The following VPS13C variants were observed in gnomAD, a reference collection of about 807,000 sequenced individuals.
VPS13C encodes the protein intermembrane lipid transfer protein VPS13C.
A neutral mutation model predicts 456.8 loss-of-function variants in VPS13C; 358 were observed. That is an observed-to-expected ratio of 0.78 (90% CI 0.72 to 0.86). VPS13C has a LOEUF of 0.86. Among genes scored for constraint, VPS13C ranks in the 40% least tolerant of loss-of-function variants. VPS13C has a pLI of 0.00. For missense variants in VPS13C, 4,818 were observed against 4,385.4 expected (o/e 1.10, Z -2.79); for synonymous variants, 1,578 against 1,486.7 (o/e 1.06, Z -1.41).
At chr15:61,989,293 G>A (rs1052064159) in intron 18 of VPS13C, among the ~76,000 whole-genome samples, 1 of 151,728 alleles carries the variant, frequency 6.6e-6, no homozygotes, top group Non-Finnish European at 1.5e-5. Flanking sequence ...CCAGCTACTC[G>A]GGTGGCTTGA....
chr15:62,009,609 T>C (rs1247942926), intron 13 of VPS13C, among the ~76,000 whole-genome samples: 1 of 152,222 alleles, frequency 6.6e-6, no homozygotes, highest in Non-Finnish European at 1.5e-5. Context: ...TTTCACCTTT[T>C]TCTTTTTACA....
At chr15:62,035,726 C>A (rs2047973183) in intron 3 of VPS13C, among the ~76,000 whole-genome samples, 1 of 151,886 alleles carries the variant, frequency 6.6e-6, no homozygotes, top group Non-Finnish European at 1.5e-5. Context: ...AGTTATATTC[C>A]AAATATCTAC....
chr15:62,025,738 T>C (rs1206208562), intron 6 of VPS13C, among the ~76,000 whole-genome samples: 1 of 152,116 alleles, frequency 6.6e-6, no homozygotes, highest in Non-Finnish European at 1.5e-5. Flanking sequence ...ATAATAAATT[T>C]ATGATTCTCA....
intron 47 of VPS13C, among the ~76,000 whole-genome samples, chr15:61,939,633 C>T (rs567926873): frequency 3.5e-4 from 54 of 152,292 alleles, no homozygotes; most frequent in African/African-American, 1.2e-3. Flanking sequence ...TATACTTCCA[C>T]GACTACCTTC....
At position 61,880,688 on chromosome 15, in the gene VPS13C, T is replaced by C. The variant is rs1448871027; in HGVS notation, c.9923A>G (p.Asn3308Ser). Reference protein sequence around the residue: ...KLIQQDIDALNAELMETSMTD... With the variant: ...KLIQQDIDALSAELMETSMTD... ...CATTGAAGTCTCCATTAATTCTGCA[T>C]TTAGAGCATCAATATCTTGTTGGAT... Residue 3308 changes from asparagine to serine, a missense_variant, in exon 73 of 85, where the codon AAT becomes AGT. Around this residue, in one of 3 missense-constraint regions of VPS13C, gnomAD observed 4,552 missense variants for 4,130.6 expected, o/e 1.10. Transcript: ENST00000644861. 4 of 1,596,888 alleles carry C rather than the reference T, an allele frequency of 2.5e-6. No individual in the cohort carries two copies. The highest frequency in any genetic ancestry group is 3.4e-6 in the Non-Finnish European group (4 of 1,173,514).
chr15:61,900,433 A>C (rs2042961599), intron 66 of VPS13C, among the ~76,000 whole-genome samples: 1 of 152,228 alleles, frequency 6.6e-6, no homozygotes. Flanking sequence ...TACAAAATCA[A>C]TGTACAAAAA....
chr15:62,055,798 C>T (rs1270990178), intron 1 of VPS13C, among the ~76,000 whole-genome samples: 1 of 152,146 alleles, frequency 6.6e-6, no homozygotes, highest in Non-Finnish European at 1.5e-5. Flanking sequence ...TAAAACCTTA[C>T]AATTTTTTCA....
chr15:61,933,821 A>T (rs2044138112), intron 49 of VPS13C, among the ~76,000 whole-genome samples: 1 of 152,104 alleles, frequency 6.6e-6, no homozygotes, highest in South Asian at 2.1e-4. Context: ...GATAATCATG[A>T]ATTCAAAAAT....
At chr15:62,044,037 A>G (rs2048325731) in intron 2 of VPS13C, among the ~76,000 whole-genome samples, 175 bp downstream of exon 2, 1 of 152,178 alleles carries the variant, frequency 6.6e-6, no homozygotes, top group Non-Finnish European at 1.5e-5. Flanking sequence ...TTATTAGGGG[A>G]AAAAATTTCT....
intron 4 of VPS13C, among the ~76,000 whole-genome samples, 198 bp from the exon 5 acceptor site, chr15:62,033,740 G>C (rs912177642): frequency 6.6e-6 from 1 of 151,620 alleles, no homozygotes; most frequent in Non-Finnish European, 1.5e-5. Flanking sequence ...ACAAAAAGAA[G>C]GAGGGAAGAA....
chr15:61,893,388 CT>C (rs1321311820), intron 66 of VPS13C, among the ~76,000 whole-genome samples: 3 of 151,994 alleles, frequency 2.0e-5, no homozygotes, highest in Admixed American at 6.6e-5. Context: ...TCCAACAAAG[CT>C]TTGTTTCAAA....
intron 15 of VPS13C, among the ~76,000 whole-genome samples, chr15:62,001,566 C>T (rs572664779): frequency 1.2e-3 from 186 of 152,130 alleles, no homozygotes; most frequent in Non-Finnish European, 1.9e-3. Context: ...ATGTGCACAA[C>T]GTGCAGGTTA....
At chr15:62,024,198 T>C (rs1286111291) in intron 6 of VPS13C, among the ~76,000 whole-genome samples, 1 of 152,032 alleles carries the variant, frequency 6.6e-6, no homozygotes, top group East Asian at 1.9e-4. Flanking sequence ...AATGTAACAA[T>C]GACAGAATAT....
chr15:61,897,203 C>A (rs1264248622), intron 66 of VPS13C, among the ~76,000 whole-genome samples: 1 of 152,166 alleles, frequency 6.6e-6, no homozygotes, highest in African/African-American at 2.4e-5. Context: ...ACCTCTCCTC[C>A]TCCAAAGGAA....
intron 27 of VPS13C, among the ~76,000 whole-genome samples, chr15:61,972,005 G>A (rs2045570286): frequency 6.6e-6 from 1 of 152,100 alleles, no homozygotes; most frequent in Non-Finnish European, 1.5e-5. Context: ...TGGAATACAT[G>A]TAAAAGTAAG....
chr15:61,973,029 T>G (rs1028251335), intron 26 of VPS13C, among the ~76,000 whole-genome samples: 2 of 152,134 alleles, frequency 1.3e-5, no homozygotes, highest in African/African-American at 4.8e-5. Flanking sequence ...TTCAACAAAA[T>G]ATTTATTGGG....
chr15:61,917,633 C>A lies in VPS13C; in HGVS notation c.7763G>T (p.Cys2588Phe), dbSNP rs561027113. 1.2e-5 allele frequency: 20 copies of A among 1,608,610 alleles called. No homozygotes were observed. In the East Asian group the frequency reaches 4.2e-4, roughly 34 times the overall value. Residue 2588 changes from cysteine to phenylalanine, a missense_variant and splice_region_variant, in exon 60 of 85, where the codon TGT becomes TTT. Coordinates refer to ENST00000644861, the MANE Select transcript of VPS13C (RefSeq NM_020821.3). Reference protein sequence around the residue: ...EFHVPLDSYRCQLFIQPAGIL... With the variant: ...EFHVPLDSYRFQLFIQPAGIL... ...TCCAGCTGGCTGGATAAACAATTGACATCTGCAGAAAGAGGAAACAGTGAC... is the reference window on the plus strand; with the variant it reads ...TCCAGCTGGCTGGATAAACAATTGAAATCTGCAGAAAGAGGAAACAGTGAC...
At chr15:62,054,747 A>AG (rs1491351035) in intron 1 of VPS13C, among the ~76,000 whole-genome samples, 1 of 152,076 alleles carries the variant, frequency 6.6e-6, no homozygotes, top group Non-Finnish European at 1.5e-5. Flanking sequence ...AAAAAAAAAA[A>AG]GAAGAGGAAG....
intron 15 of VPS13C, among the ~76,000 whole-genome samples, chr15:62,001,890 T>C (rs993032069): frequency 1.3e-5 from 2 of 152,234 alleles, no homozygotes; most frequent in Non-Finnish European, 1.5e-5. Flanking sequence ...GGTGTATATG[T>C]GCCACATTTT....
Sources: gnomAD v4.1 joint callset for allele counts (sites outside exome capture counted in the v4.1 genomes callset) on GRCh38, gnomAD v4.1.1 for gene constraint, gnomAD v4.1.1 regional missense constraint, MANE v1.5 for transcripts, NCBI Gene and HGNC (gene_info 2026-07-23, HGNC 2026-07-21) for gene names.